The following AP1G1 variants were observed in gnomAD, a reference collection of about 807,000 sequenced individuals.
The protein encoded by AP1G1 is AP-1 complex subunit gamma-1.
A neutral mutation model predicts 108.3 loss-of-function variants in AP1G1; 7 were observed. The ratio of observed to expected loss-of-function variants is 0.06; its 90% CI spans 0.04 to 0.12. AP1G1 has a LOEUF of 0.12. AP1G1 is among the 10% of genes least tolerant of loss of function. AP1G1 has a pLI of 1.00. For missense variants in AP1G1, 756 were observed against 1,010.7 expected, an observed-to-expected ratio of 0.75 and a Z score of 3.42; for synonymous variants, 379 against 353.5, an observed-to-expected ratio of 1.07 and a Z score of -0.81.
At chr16:71,748,421 C>A in intron 15 of AP1G1, 43 bp from the exon 16 acceptor site, 1 of 1,590,646 alleles carries the variant, frequency 6.3e-7, no homozygotes, top group South Asian at 1.1e-5. Context: ...GAATGAGTAG[C>A]ATGATTAAGC....
intron 2 of AP1G1, among the ~76,000 whole-genome samples, chr16:71,788,542 C>CA (rs2032289117): frequency 6.6e-6 from 1 of 152,028 alleles, no homozygotes; most frequent in African/African-American, 2.4e-5. Context: ...GTAACTAGAA[C>CA]AAAATAGACG....
rs1022783804 is a variant in AP1G1, at chr16:71,767,812, G to C, written c.642+1811C>G. The stretch of plus-strand genomic sequence containing the variant: ...ATTTTAAAAGCCACATTTGTGGATC[G>C]ATACACAAAAGCTACTAAGGACCTA... On this transcript the variant is annotated intron_variant, in intron 6 of 22. Transcript: ENST00000299980. 3.4e-6 allele frequency: 5 copies of C among 1,487,842 alleles called. No homozygotes were observed. In the Admixed American group the frequency reaches 6.8e-5, roughly 20 times the overall value. 92.2% of individuals were successfully genotyped at this position (1,487,842 alleles called of 1,614,324 possible). A position where few individuals can be genotyped will look rare whatever the true frequency, so the allele number is the denominator to read the frequency against.
intron 1 of AP1G1, among the ~76,000 whole-genome samples, chr16:71,792,028 C>G (rs1424203310): frequency 6.6e-6 from 1 of 152,122 alleles, no homozygotes; most frequent in Non-Finnish European, 1.5e-5. Flanking sequence ...TCCCAAAGTG[C>G]TGGGATTACA....
At chr16:71,777,779 T>C in intron 2 of AP1G1, 1 of 433,980 alleles carries the variant, frequency 2.3e-6, no homozygotes, top group African/African-American at 2.0e-5. Flanking sequence ...CTCCACCTTC[T>C]CCTTCAGGTC....
In AP1G1 at chr16:71,756,032, G is replaced by A. The variant is rs769958222; in HGVS notation, c.1216C>T (p.Leu406Phe). ...FKADCASGIFLAAEKYAPSKR... is the reference protein window; with the variant it reads ...FKADCASGIFFAAEKYAPSKR... ...ATTAAATCTTACTTTTCTGCAGCAA[G>A]AAAGATTCCAGATGCACAGTCTGCT... The change falls in exon 12 of 23, where the codon CTT becomes TTT. Residue 406 changes from leucine (L) to phenylalanine (F), a missense_variant. Physicochemically the swap from Leu to Phe is conservative, Grantham distance 22. This residue lies in a region of AP1G1 where 357 missense variants were observed against 366.5 expected (regional missense o/e 0.97). Transcript: ENST00000299980. 5 of 1,608,194 alleles carry A rather than the reference G, an allele frequency of 3.1e-6. No homozygotes were observed. The South Asian group carries it at 3.4e-5, about 11-fold the overall frequency.
intron 19 of AP1G1, among the ~76,000 whole-genome samples, chr16:71,739,812 T>C (rs540667832): frequency 6.7e-6 from 1 of 149,608 alleles, no homozygotes; most frequent in African/African-American, 2.4e-5. Context: ...TATACAGTAA[T>C]GAATGGATAA....
At chr16:71,792,374 G>C (rs1270699294) in intron 1 of AP1G1, among the ~76,000 whole-genome samples, 1 of 152,090 alleles carries the variant, frequency 6.6e-6, no homozygotes, top group Admixed American at 6.6e-5. Flanking sequence ...GAAGGGCAAT[G>C]ACAAATCTTC....
intron 15 of AP1G1, 62 bp downstream of exon 15, chr16:71,749,832 A>G: frequency 7.3e-7 from 1 of 1,374,344 alleles, no homozygotes; most frequent in East Asian, 2.3e-5. Context: ...CCCATTAAAC[A>G]CTACTCTCCT....
At chr16:71,786,784 C>T (rs1054300814) in intron 2 of AP1G1, among the ~76,000 whole-genome samples, 2 of 151,902 alleles carry the variant, frequency 1.3e-5, no homozygotes, top group African/African-American at 2.4e-5. Flanking sequence ...ATTAGCTGAC[C>T]GGGCACAATA....
chr16:71,804,793 G>C (rs757337247), intron 1 of AP1G1, among the ~76,000 whole-genome samples: 8 of 152,034 alleles, frequency 5.3e-5, no homozygotes, highest in Non-Finnish European at 1.0e-4. Flanking sequence ...GAGGTGGGAG[G>C]ACCTCTTGAG....
At chr16:71,737,531 C>A (rs1340610180) in intron 21 of AP1G1, among the ~76,000 whole-genome samples, 1 of 152,092 alleles carries the variant, frequency 6.6e-6, no homozygotes, top group Admixed American at 6.6e-5. Flanking sequence ...GCGATCCACC[C>A]GCCTCAGCCT....
chr16:71,801,234 A>C (rs1055426079), intron 1 of AP1G1, among the ~76,000 whole-genome samples: 1 of 152,030 alleles, frequency 6.6e-6, no homozygotes, highest in Non-Finnish European at 1.5e-5. Context: ...TGAACCCAGG[A>C]GGCGGAGATT....
intron 1 of AP1G1, among the ~76,000 whole-genome samples, chr16:71,799,979 G>C (rs2032727568): frequency 6.6e-6 from 1 of 151,828 alleles, no homozygotes; most frequent in African/African-American, 2.4e-5. Context: ...CCAGCACTTT[G>C]GGAGGCCGAT....
rs750684004 is a variant in AP1G1 at position 71,764,315 on chromosome 16, T to C, written c.918+35A>G. On this transcript the variant is annotated intron_variant, in intron 9 of 22. Transcript: ENST00000299980. ...CAAGTCAACCATTCTAAGTGAAACA[T>C]TTAGGGGGGGAAGAAAAGATTCAAA... 8 of 1,323,594 alleles carry C rather than the reference T, an allele frequency of 6.0e-6. No homozygotes were observed. In the Admixed American group the frequency reaches 1.6e-4, roughly 26 times the overall value. 82.0% of individuals were successfully genotyped at this position (1,323,594 alleles called of 1,614,324 possible). A position where few individuals can be genotyped will look rare whatever the true frequency, so the allele number is the denominator to read the frequency against.
intron 6 of AP1G1, among the ~76,000 whole-genome samples, chr16:71,766,100 C>G (rs1220795462): frequency 1.3e-5 from 2 of 152,118 alleles, no homozygotes; most frequent in Non-Finnish European, 2.9e-5. Context: ...ATACCCTTTT[C>G]CAACAAACAA....
chr16:71,784,413 C>T (rs1334957955), intron 2 of AP1G1, among the ~76,000 whole-genome samples: 1 of 152,128 alleles, frequency 6.6e-6, no homozygotes, highest in Non-Finnish European at 1.5e-5. Flanking sequence ...TTAGCTGTCG[C>T]ACCAACAGCA....
At chr16:71,807,796 C>A in intron 1 of AP1G1, 3 of 1,288,834 alleles carry the variant, frequency 2.3e-6, no homozygotes, top group Non-Finnish European at 3.0e-6. Context: ...CTCCTTTCTA[C>A]CTACCTCAGA....
intron 21 of AP1G1, among the ~76,000 whole-genome samples, chr16:71,738,479 G>A (rs968416106): frequency 6.6e-6 from 1 of 152,092 alleles, no homozygotes; most frequent in African/African-American, 2.4e-5. Flanking sequence ...GTTAACGAAG[G>A]AGGAATGTTT....
chr16:71,765,443 T>C, intron 7 of AP1G1, 46 bp downstream of exon 7: 1 of 1,379,804 alleles, frequency 7.2e-7, no homozygotes, highest in Non-Finnish European at 1.0e-6. Flanking sequence ...TACTTAAAGA[T>C]ATTAAATTCA....
Sources: allele counts gnomAD v4.1 joint callset (sites outside exome capture counted in the v4.1 genomes callset), GRCh38; gene constraint gnomAD v4.1.1; regional missense constraint gnomAD v4.1.1; transcripts MANE v1.5; gene names NCBI Gene and HGNC (gene_info 2026-07-23, HGNC 2026-07-21).